Variants in CLSTN2 observed in about 807,000 individuals in gnomAD.
CLSTN2 encodes the protein calsyntenin-2.
In CLSTN2, 48 loss-of-function variants were observed where a neutral mutation model predicts 101.2. That is an observed-to-expected ratio of 0.47 (90% CI 0.38 to 0.60). The LOEUF (loss-of-function observed/expected upper bound fraction) is 0.60. CLSTN2 is among the 20% of genes least tolerant of loss of function. CLSTN2 has a pLI of 0.00. For missense variants in CLSTN2, 1,160 were observed against 1,238.2 expected, an observed-to-expected ratio of 0.94 and a Z score of 0.95; for synonymous variants, 481 against 463.6, an observed-to-expected ratio of 1.04 and a Z score of -0.48.
intron 2 of CLSTN2, among the ~76,000 whole-genome samples, chr3:140,291,473 C>A (rs561315894): frequency 2.0e-5 from 3 of 152,102 alleles, no homozygotes; most frequent in African/African-American, 7.2e-5. Flanking sequence ...ACCTTTCTCT[C>A]CTGCATTCTG....
chr3:140,005,420 T>C (rs947646334), intron 1 of CLSTN2, among the ~76,000 whole-genome samples: 1 of 152,182 alleles, frequency 6.6e-6, no homozygotes, highest in African/African-American at 2.4e-5. Flanking sequence ...CAGCCTCTTG[T>C]TAAATTTCCT....
intron 1 of CLSTN2, among the ~76,000 whole-genome samples, chr3:140,023,345 T>A (rs187015231): frequency 6.6e-6 from 1 of 152,288 alleles, no homozygotes; most frequent in East Asian, 1.9e-4. Context: ...CACCACGATG[T>A]GCACCTGGAA....
intron 2 of CLSTN2, among the ~76,000 whole-genome samples, chr3:140,279,134 C>A (rs2086822573): frequency 6.6e-6 from 1 of 152,176 alleles, no homozygotes. Context: ...CAACATTATG[C>A]CTATGAGATC....
chr3:140,516,018 T>C (rs1934910322), intron 8 of CLSTN2, among the ~76,000 whole-genome samples: 1 of 152,162 alleles, frequency 6.6e-6, no homozygotes, highest in Non-Finnish European at 1.5e-5. Context: ...GAAGCTGCAG[T>C]GTTAGGTGCA....
intron 8 of CLSTN2, among the ~76,000 whole-genome samples, chr3:140,521,251 C>T (rs1050973382): frequency 3.3e-5 from 5 of 152,092 alleles, no homozygotes; most frequent in Non-Finnish European, 7.4e-5. Context: ...TGCATTTATT[C>T]GTTCTCATCT....
intron 1 of CLSTN2, among the ~76,000 whole-genome samples, chr3:140,098,663 A>G (rs1433896125): frequency 1.3e-5 from 2 of 152,228 alleles, no homozygotes; most frequent in Non-Finnish European, 2.9e-5. Flanking sequence ...TAAATACTCA[A>G]ACATGTAATC....
chr3:140,475,719 T>C (rs1232960993), intron 8 of CLSTN2, among the ~76,000 whole-genome samples: 1 of 152,210 alleles, frequency 6.6e-6, no homozygotes, highest in Non-Finnish European at 1.5e-5. Flanking sequence ...GTCTCTTTTT[T>C]CCTGAGGAGC....
At chr3:140,298,053 G>A (rs1220204014) in intron 2 of CLSTN2, among the ~76,000 whole-genome samples, 1 of 152,174 alleles carries the variant, frequency 6.6e-6, no homozygotes, top group African/African-American at 2.4e-5. Flanking sequence ...ATTCACTCAA[G>A]TCAACAATTT....
chr3:140,185,904 A>G (rs112549230), intron 2 of CLSTN2, among the ~76,000 whole-genome samples: 5,423 of 152,194 alleles, frequency 0.036, 143 homozygotes, highest in Middle Eastern at 0.075. Context: ...TTGATCCTGA[A>G]TTTCCACAAA....
At chr3:140,292,016 C>T (rs1576502105) in intron 2 of CLSTN2, among the ~76,000 whole-genome samples, 1 of 152,236 alleles carries the variant, frequency 6.6e-6, no homozygotes, top group African/African-American at 2.4e-5. Context: ...GCTGGAGGAT[C>T]TTTCTAAAAC....
chr3:140,087,384 T>C (rs571582407), intron 1 of CLSTN2, among the ~76,000 whole-genome samples: 1 of 152,336 alleles, frequency 6.6e-6, no homozygotes, highest in Non-Finnish European at 1.5e-5. Context: ...TCTTATTGAA[T>C]TTGTATTTTT....
Position 139,998,487 on chromosome 3 carries a change from C to T in CLSTN2, c.109+63004C>T, listed in dbSNP as rs1004081837. On this transcript the variant is annotated intron_variant, in intron 1 of 16. Coordinates refer to ENST00000458420, the MANE Select transcript of CLSTN2 (RefSeq NM_022131.3). ...CCTCCCGAGTAGCTGGGACCACAGG[C>T]GCCCGCCACCACGCCTGGCTAATTT... is the stretch of plus-strand genomic sequence containing the variant. Among the ~76,000 whole-genome samples the T allele has an allele frequency of 2.5e-4, 38 of 151,690 alleles. 1 individual carries two copies. Among genetic ancestry groups the T allele is most frequent in the Non-Finnish European group, 4.7e-4 (32 of 67,892 alleles).
chr3:140,040,376 G>T (rs890175396), intron 1 of CLSTN2, among the ~76,000 whole-genome samples: 1 of 152,166 alleles, frequency 6.6e-6, no homozygotes, highest in African/African-American at 2.4e-5. Context: ...GTCTGAATCT[G>T]TTCAGGCCAG....
At chr3:140,128,954 C>G (rs2009479352) in intron 1 of CLSTN2, among the ~76,000 whole-genome samples, 1 of 152,088 alleles carries the variant, frequency 6.6e-6, no homozygotes, top group African/African-American at 2.4e-5. Flanking sequence ...AGACATGGTG[C>G]ATACTTACAT....
intron 1 of CLSTN2, among the ~76,000 whole-genome samples, chr3:140,127,395 T>C (rs1025023780): frequency 6.6e-6 from 1 of 152,224 alleles, no homozygotes; most frequent in African/African-American, 2.4e-5. Context: ...CCTAACGCAG[T>C]ACATAAGAAA....
In CLSTN2 at chr3:140,566,802, TTCTC is replaced by T. The variant is rs10662926; in HGVS notation, c.*567_*570del. On this transcript the variant is annotated 3_prime_UTR_variant, in exon 17 of 17. Coordinates refer to ENST00000458420, the MANE Select transcript of CLSTN2 (RefSeq NM_022131.3). Reference sequence around the variant, plus strand: ...AAGTTTACAGGGAAAGGTACACACATTCTCTCTCTCTCTCTCTCTCTGTCTATCT... The same window carrying T: ...AAGTTTACAGGGAAAGGTACACACATTCTCTCTCTCTCTCTCTGTCTATCT... 1.6e-4 allele frequency: 25 copies of T among 151,920 alleles called. No individual in the cohort carries two copies. The highest frequency in any genetic ancestry group is 4.1e-4 in the South Asian group (2 of 4,860). 9.4% of individuals were successfully genotyped at this position (151,920 alleles called of 1,614,324 possible).
intron 8 of CLSTN2, among the ~76,000 whole-genome samples, chr3:140,518,880 G>T (rs751798706): frequency 2.0e-5 from 3 of 152,144 alleles, no homozygotes; most frequent in African/African-American, 4.8e-5. Context: ...TCTTCTGCTA[G>T]CTTTGGAGTT....
chr3:140,445,669 A>G (rs934084), intron 5 of CLSTN2, among the ~76,000 whole-genome samples: 105,058 of 152,020 alleles, frequency 0.69, 36,428 homozygotes, highest in South Asian at 0.76. Context: ...GGCCGGTGGG[A>G]TCAGTACCAG....
intron 2 of CLSTN2, among the ~76,000 whole-genome samples, chr3:140,303,782 A>C (rs1438231234): frequency 2.6e-5 from 4 of 152,052 alleles, no homozygotes; most frequent in African/African-American, 9.6e-5. Context: ...CCTGTATCCT[A>C]AGAGGCATCA....
Sources: gnomAD v4.1 joint callset for allele counts (sites outside exome capture counted in the v4.1 genomes callset) on GRCh38, gnomAD v4.1.1 for gene constraint, MANE v1.5 for transcripts, NCBI Gene and HGNC (gene_info 2026-07-23, HGNC 2026-07-21) for gene names.